PTPRK: variants seen among roughly 807,000 people sequenced by gnomAD.
The protein encoded by PTPRK is protein tyrosine phosphatase receptor type K.
PTPRK carries 75 observed loss-of-function variants against 178.0 expected under a neutral mutation model. The ratio of observed to expected loss-of-function variants is 0.42; its 90% CI spans 0.35 to 0.51. The LOEUF is 0.51. PTPRK is among the 20% of genes least tolerant of loss of function. The probability of loss-of-function intolerance (pLI) is 0.02; values close to 1 mark genes in which losing one functional copy is unlikely to be tolerated. For missense variants in PTPRK, 1,441 were observed against 1,797.8 expected (o/e 0.80, Z 3.59); for synonymous variants, 637 against 620.6 (o/e 1.03, Z -0.39).
At chr6:128,035,745 T>G (rs1435108544) in intron 13 of PTPRK, among the ~76,000 whole-genome samples, 1 of 152,210 alleles carries the variant, frequency 6.6e-6, no homozygotes, top group Non-Finnish European at 1.5e-5. Context: ...TAGTGCCTTC[T>G]GGAGGCATCT....
intron 18 of PTPRK, among the ~76,000 whole-genome samples, chr6:127,993,136 A>G (rs1014045043): frequency 3.3e-5 from 5 of 151,790 alleles, no homozygotes; most frequent in African/African-American, 1.2e-4. Flanking sequence ...AAAAAATAAC[A>G]GAACATTCCA....
intron 7 of PTPRK, among the ~76,000 whole-genome samples, chr6:128,099,168 A>T (rs571222419): frequency 1.3e-5 from 2 of 150,278 alleles, no homozygotes; most frequent in African/African-American, 2.4e-5. Context: ...TAGGACAGAA[A>T]ATAATACATT....
intron 11 of PTPRK, among the ~76,000 whole-genome samples, chr6:128,074,197 C>G (rs1052871376): frequency 9.2e-5 from 14 of 151,894 alleles, no homozygotes; most frequent in African/African-American, 3.4e-4. Context: ...AGATGTTCTC[C>G]ACAAAACAAA....
chr6:128,328,061 A>C (rs1017412692), intron 2 of PTPRK, among the ~76,000 whole-genome samples: 1 of 152,186 alleles, frequency 6.6e-6, no homozygotes, highest in African/African-American at 2.4e-5. Context: ...AAGCTCACTG[A>C]GGGACTATGT....
chr6:128,144,413 T>G (rs898898814), intron 7 of PTPRK, among the ~76,000 whole-genome samples: 2 of 152,226 alleles, frequency 1.3e-5, no homozygotes, highest in Non-Finnish European at 2.9e-5. Context: ...CTTGCCCTAC[T>G]GCATCAAATA....
intron 5 of PTPRK, among the ~76,000 whole-genome samples, chr6:128,224,818 G>A (rs1454905355): frequency 6.6e-6 from 1 of 152,120 alleles, no homozygotes; most frequent in Non-Finnish European, 1.5e-5. Context: ...CCAAAACCTG[G>A]AAGAGCTGAT....
intron 7 of PTPRK, among the ~76,000 whole-genome samples, chr6:128,091,347 C>A (rs1176128537): frequency 6.6e-6 from 1 of 152,156 alleles, no homozygotes; most frequent in Non-Finnish European, 1.5e-5. Context: ...ATATGTTTAG[C>A]TCTATGCTAA....
chr6:128,166,614 G>A (rs1301608317), intron 7 of PTPRK, among the ~76,000 whole-genome samples: 1 of 151,576 alleles, frequency 6.6e-6, no homozygotes, highest in African/African-American at 2.4e-5. Flanking sequence ...TTTATTACTA[G>A]TACATTTAGC....
chr6:128,282,501 A>G (rs1821831084), intron 3 of PTPRK, among the ~76,000 whole-genome samples: 1 of 152,194 alleles, frequency 6.6e-6, no homozygotes. Context: ...TATCCAACAG[A>G]GGTTTAATGT....
intron 1 of PTPRK, among the ~76,000 whole-genome samples, chr6:128,441,933 T>C (rs1174223465): frequency 1.3e-5 from 2 of 152,156 alleles, no homozygotes; most frequent in Non-Finnish European, 2.9e-5. Context: ...TCAGTAGCTA[T>C]AAGCCCAACA....
chr6:128,480,482 G>C (rs117498180), intron 1 of PTPRK, among the ~76,000 whole-genome samples: 2,534 of 151,924 alleles, frequency 0.017, 33 homozygotes, highest in Non-Finnish European at 0.027. Flanking sequence ...CCATATCTCC[G>C]TGCTCTATCC....
intron 1 of PTPRK, among the ~76,000 whole-genome samples, chr6:128,432,988 T>A (rs1433215035): frequency 6.6e-6 from 1 of 152,178 alleles, no homozygotes; most frequent in African/African-American, 2.4e-5. Context: ...TTTAACTATT[T>A]GTATCAATAC....
At chr6:128,262,344 T>TA (rs1818294394) in intron 3 of PTPRK, among the ~76,000 whole-genome samples, 1 of 152,146 alleles carries the variant, frequency 6.6e-6, no homozygotes, top group Admixed American at 6.6e-5. Flanking sequence ...AAGGATTTTT[T>TA]ATCTCAAGAG....
chr6:128,386,037 G>T (rs1406879656), intron 2 of PTPRK, among the ~76,000 whole-genome samples: 1 of 151,924 alleles, frequency 6.6e-6, no homozygotes, highest in Non-Finnish European at 1.5e-5. Context: ...TTAATGTTCT[G>T]TTTTTTTGAT....
At chr6:128,058,404 G>A (rs2114904138) in intron 13 of PTPRK, among the ~76,000 whole-genome samples, 1 of 152,248 alleles carries the variant, frequency 6.6e-6, no homozygotes, top group South Asian at 2.1e-4. Context: ...GTATTTTCCT[G>A]TTGAGCACCA....
At chr6:128,241,114 T>C (rs1814344212) in intron 4 of PTPRK, 1 of 418,894 alleles carries the variant, frequency 2.4e-6, no homozygotes, top group Non-Finnish European at 4.9e-6. Flanking sequence ...TAAGGCAGCT[T>C]GAACTTTAAA....
chr6:128,035,125 G>A (rs959495393), intron 13 of PTPRK, among the ~76,000 whole-genome samples: 4 of 152,294 alleles, frequency 2.6e-5, no homozygotes, highest in East Asian at 3.9e-4. Context: ...GCAGCCCTTT[G>A]AGAGGCCGAG....
chr6:128,219,077 A>G lies in PTPRK; in HGVS notation c.713T>C (p.Ile238Thr). The G allele has an allele frequency of 6.2e-7, 1 of 1,613,450 alleles. No individual in the cohort carries two copies. Among genetic ancestry groups the G allele is most frequent in the Non-Finnish European group, 8.5e-7 (1 of 1,179,586 alleles). Reference sequence around the variant, plus strand: ...GATGTTCTTAGTCTGGGCTACTGGTATATCTTCTCCATTTCGTCTCTGCAA... The same window carrying G: ...GATGTTCTTAGTCTGGGCTACTGGTGTATCTTCTCCATTTCGTCTCTGCAA... ...LWLQRRNGEDIPVAQTKNINH... is the reference protein window; with the variant it reads ...LWLQRRNGEDTPVAQTKNINH... The change falls in exon 6 of 30, where the codon ATA becomes ACA. Residue 238 changes from isoleucine to threonine, a missense_variant. By Grantham distance (89) the Ile-to-Thr change is moderately conservative (BLOSUM62 -1). Coordinates refer to ENST00000368226, the MANE Select transcript of PTPRK (RefSeq NM_002844.4).
At chr6:128,067,427 T>C (rs1240118952) in intron 12 of PTPRK, 92 bp downstream of exon 12, 3 of 1,332,782 alleles carry the variant, frequency 2.3e-6, no homozygotes, top group Non-Finnish European at 2.0e-6. Flanking sequence ...TTTTCTTTTT[T>C]TTTTTCTTGA....
Sources: allele counts gnomAD v4.1 joint callset (sites outside exome capture counted in the v4.1 genomes callset), GRCh38; gene constraint gnomAD v4.1.1; transcripts MANE v1.5; gene names NCBI Gene and HGNC (gene_info 2026-07-23, HGNC 2026-07-21).